Variants in ACTN4 observed in about 807,000 individuals in gnomAD.
ACTN4 encodes the protein actinin alpha 4, also known as alpha-actinin-4.
ACTN4 carries 18 observed loss-of-function variants against 114.2 expected under a neutral mutation model. The ratio of observed to expected loss-of-function variants is 0.16; its 90% CI spans 0.11 to 0.23. The LOEUF (loss-of-function observed/expected upper bound fraction) is 0.23. Among genes scored for constraint, ACTN4 ranks in the 10% least tolerant of loss-of-function variants. ACTN4 has a pLI of 1.00. For synonymous variants in ACTN4, 515 were observed against 506.3 expected, an observed-to-expected ratio of 1.02 and a Z score of -0.23; for missense variants, 722 against 1,262.9, an observed-to-expected ratio of 0.57 and a Z score of 6.49.
At chr19:38,723,350 G>A (rs1568743986) in intron 12 of ACTN4, among the ~76,000 whole-genome samples, 2 of 152,188 alleles carry the variant, frequency 1.3e-5, no homozygotes. Context: ...GTCAGGGATG[G>A]GTGAGCAGGA....
chr19:38,679,211 C>T lies in ACTN4; in HGVS notation c.163-21389C>T, dbSNP rs116569792. ...TTGTGGATTCCATTTTCTTATTTCC[C>T]GAATACTTCTCAGCCCCACAAGTCC... is the stretch of plus-strand genomic sequence containing the variant. On this transcript the variant is annotated intron_variant, in intron 1 of 20. Transcript: ENST00000252699. Among the ~76,000 whole-genome samples the T allele has an allele frequency of 2.7e-3, 410 of 152,260 alleles. 4 individuals carry two copies. Among genetic ancestry groups the T allele is most frequent in the African/African-American group, 7.7e-3 (318 of 41,558 alleles).
chr19:38,721,008 G>A (rs1462111625), intron 11 of ACTN4, among the ~76,000 whole-genome samples: 1 of 152,214 alleles, frequency 6.6e-6, no homozygotes, highest in Admixed American at 6.5e-5. Context: ...GGGCCTGATG[G>A]TGGGCCCGCC....
chr19:38,689,476 T>C (rs1278154759), intron 1 of ACTN4, among the ~76,000 whole-genome samples: 1 of 152,018 alleles, frequency 6.6e-6, no homozygotes, highest in African/African-American at 2.4e-5. Context: ...GTGGTAGACA[T>C]GTTCCTTGTA....
chr19:38,729,442 G>T lies in ACTN4; in HGVS notation c.*10G>T. 6.2e-7 allele frequency: 1 copy of T among 1,611,694 alleles called. No homozygotes were observed. The highest frequency in any genetic ancestry group is 1.3e-5 in the African/African-American group (1 of 74,758). ...CGAGAGCGACCTGTGAGGCCCCAGA[G>T]ACCTGACCCAACACCCCCGACGGCC... On this transcript the variant is annotated 3_prime_UTR_variant, in exon 21 of 21. Coordinates refer to ENST00000252699, the MANE Select transcript of ACTN4 (RefSeq NM_004924.6).
rs146955701 is a variant in ACTN4, at chr19:38,709,245, G to A, written c.652-150G>A. ...GAATTTATCCAGGCGGTGCCCTCCC[G>A]CTCACACATCACACGTGGCTGAGAA... On this transcript the variant is annotated intron_variant, in intron 6 of 20. Coordinates refer to ENST00000252699, the MANE Select transcript of ACTN4 (RefSeq NM_004924.6). 7.5e-4 allele frequency: 542 copies of A among 721,694 alleles called. 2 individuals carry two copies. Among genetic ancestry groups the A allele is most frequent in the African/African-American group, 7.5e-3 (433 of 57,664 alleles). The allele number at this position is 721,694 out of a possible 1,614,324, so 44.7% of individuals were successfully genotyped here.
intron 16 of ACTN4, among the ~76,000 whole-genome samples, chr19:38,725,312 G>T (rs937265677): frequency 6.6e-6 from 1 of 152,166 alleles, no homozygotes; most frequent in Non-Finnish European, 1.5e-5. Context: ...TGGGTGCCGA[G>T]ACATGGAGTG....
chr19:38,700,962 C>T (rs1362569067), intron 2 of ACTN4, 40 bp from the exon 3 acceptor site: 1 of 1,608,964 alleles, frequency 6.2e-7, no homozygotes, highest in African/African-American at 1.3e-5. Flanking sequence ...CTTTCTCTCT[C>T]TCTGTCTCGC....
rs1325063790 is a variant in ACTN4 at position 38,704,917 on chromosome 19, C to T, written c.398-17C>T. ...TTTTAACGACCTTCTGCCCTCTGCC[C>T]CCTTCCCTGTGTGCAGAGATTGTGG... On this transcript the variant is annotated splice_polypyrimidine_tract_variant and intron_variant, in intron 3 of 20. Coordinates refer to ENST00000252699, the MANE Select transcript of ACTN4 (RefSeq NM_004924.6). The T allele has an allele frequency of 6.2e-7, 1 of 1,612,808 alleles. No individual in the cohort carries two copies. Among genetic ancestry groups the T allele is most frequent in the South Asian group, 1.1e-5 (1 of 91,050 alleles).
At chr19:38,698,182 C>G (rs1443005085) in intron 1 of ACTN4, among the ~76,000 whole-genome samples, 1 of 152,076 alleles carries the variant, frequency 6.6e-6, no homozygotes, top group Non-Finnish European at 1.5e-5. Flanking sequence ...ACAGGGCCAT[C>G]CAGAGAGCTG....
intron 1 of ACTN4, among the ~76,000 whole-genome samples, chr19:38,657,148 T>TA (rs1976735054): frequency 7.6e-6 from 1 of 132,332 alleles, no homozygotes; most frequent in Non-Finnish European, 1.7e-5. Context: ...TAATTTTAAT[T>TA]TTTTTTTTTT....
At chr19:38,666,848 T>C (rs1482166533) in intron 1 of ACTN4, among the ~76,000 whole-genome samples, 2 of 152,094 alleles carry the variant, frequency 1.3e-5, no homozygotes, top group African/African-American at 2.4e-5. Flanking sequence ...CCCTCGGTGC[T>C]GGGGAGCTCT....
At position 38,730,651 on chromosome 19, in the gene ACTN4, G is replaced by C; in HGVS notation, c.*1219G>C. ...GTGGACTAGCTCGTGTCATCTGCTC[G>C]AGAAGGGCTGTCGCTGTTCTTGTTT... On this transcript the variant is annotated 3_prime_UTR_variant, in exon 21 of 21. Coordinates refer to ENST00000252699, the MANE Select transcript of ACTN4 (RefSeq NM_004924.6). The C allele has an allele frequency of 3.1e-6, 2 of 643,360 alleles. No individual in the cohort carries two copies. The highest frequency in any genetic ancestry group is 5.5e-6 in the Non-Finnish European group (2 of 365,402). The allele number at this position is 643,360 out of a possible 1,614,324, so 39.9% of individuals were successfully genotyped here.
chr19:38,712,166 C>T (rs1178850402), intron 8 of ACTN4, among the ~76,000 whole-genome samples: 1 of 152,208 alleles, frequency 6.6e-6, no homozygotes, highest in African/African-American at 2.4e-5. Context: ...GTGCACACCC[C>T]CAGGAGGGCT....
rs56744300 is a variant in ACTN4, at chr19:38,662,376, C to CTGA, written c.162+14474_162+14476dup. On this transcript the variant is annotated intron_variant, in intron 1 of 20. Transcript: ENST00000252699. ...GGCTGGGATTCTCTCAGCCTTAGCA[C>CTGA]TGATGATTTGACAACAAAAATCGCC... Among the ~76,000 whole-genome samples, 1,329 of 152,292 alleles carry CTGA rather than the reference C, an allele frequency of 8.7e-3. 17 individuals carry two copies. The highest frequency in any genetic ancestry group is 0.031 in the African/African-American group (1,281 of 41,552).
chr19:38,691,401 C>CAAAAA (rs34899917), intron 1 of ACTN4, among the ~76,000 whole-genome samples: 17 of 52,860 alleles, frequency 3.2e-4, no homozygotes, highest in East Asian at 2.8e-3. Flanking sequence ...AACTCCGTCT[C>CAAAAA]AAAAAAAAAA....
In ACTN4 at chr19:38,730,990, C is replaced by A. The variant is rs1490650059; in HGVS notation, c.*1558C>A. 1 of 1,551,494 alleles carries A rather than the reference C, an allele frequency of 6.4e-7. No individual in the cohort carries two copies. Among genetic ancestry groups the A allele is most frequent in the African/African-American group, 1.4e-5 (1 of 73,230 alleles). Reference sequence around the variant, plus strand: ...CTGTCTGTGGGTCAGGCAGATGACCCCCTCACCCCCATCCAGGTGCTGGCT... The same window carrying A: ...CTGTCTGTGGGTCAGGCAGATGACCACCTCACCCCCATCCAGGTGCTGGCT... On this transcript the variant is annotated 3_prime_UTR_variant, in exon 21 of 21. Coordinates refer to ENST00000252699, the MANE Select transcript of ACTN4 (RefSeq NM_004924.6).
Position 38,674,770 on chromosome 19 carries a change from C to T in ACTN4, c.163-25830C>T, listed in dbSNP as rs561777107. ...TATCGATTCTCTTTACCTCTGACTT[C>T]GTGTCCCTGGTATTAAGACTCAGGG... On this transcript the variant is annotated intron_variant, in intron 1 of 20. Transcript: ENST00000252699. 2.8e-4 allele frequency among the ~76,000 whole-genome samples: 42 copies of T among 152,192 alleles called. 1 individual carries two copies. The highest frequency in any genetic ancestry group is 5.6e-4 in the Non-Finnish European group (38 of 68,030).
chr19:38,661,830 T>A (rs1412161466), intron 1 of ACTN4, among the ~76,000 whole-genome samples: 1 of 152,174 alleles, frequency 6.6e-6, no homozygotes, highest in East Asian at 1.9e-4. Context: ...TTTTTTGTAT[T>A]TTTTGTAGAG....
At position 38,647,821 on chromosome 19, in the gene ACTN4, G is replaced by A; in HGVS notation, c.76G>A (p.Gly26Ser). The A allele has an allele frequency of 6.4e-7, 1 of 1,551,824 alleles. No homozygotes were observed. Among genetic ancestry groups the A allele is most frequent in the Non-Finnish European group, 8.7e-7 (1 of 1,150,022 alleles). Residue 26 changes from glycine to serine, a missense_variant, in exon 1 of 21, where the codon GGC (glycine) becomes AGC (serine). Physicochemically the swap from Gly to Ser is moderately conservative, Grantham distance 56 (BLOSUM62 0). Around this residue, in one of 3 missense-constraint regions of ACTN4, gnomAD observed 72 missense variants for 75.6 expected, o/e 0.95. Coordinates refer to ENST00000252699, the MANE Select transcript of ACTN4 (RefSeq NM_004924.6). ...SSAGNGAGGGGSMGDYMAQED... is the reference protein window; with the variant it reads ...SSAGNGAGGGSSMGDYMAQED... ...CGCGGGCAATGGCGCTGGCGGCGGG[G>A]GCAGCATGGGCGACTACATGGCCCA...
Sources: gnomAD v4.1 joint callset for allele counts (sites outside exome capture counted in the v4.1 genomes callset) on GRCh38, gnomAD v4.1.1 for gene constraint, gnomAD v4.1.1 regional missense constraint, MANE v1.5 for transcripts, NCBI Gene and HGNC (gene_info 2026-07-23, HGNC 2026-07-21) for gene names.